GGA2: variants seen among roughly 807,000 people sequenced by gnomAD.
GGA2 encodes the protein golgi associated, gamma adaptin ear containing, ARF binding protein 2, also known as ADP-ribosylation factor-binding protein GGA2.
GGA2 carries 48 observed loss-of-function variants against 79.5 expected under a neutral mutation model. The ratio of observed to expected loss-of-function variants is 0.60; its 90% confidence interval spans 0.48 to 0.77. The LOEUF (loss-of-function observed/expected upper bound fraction) is 0.77, where lower values mean the gene tolerates loss of function less well. GGA2 is among the 30% of genes least tolerant of loss of function. The pLI is 0.00. For missense variants in GGA2, 770 were observed against 774.0 expected (o/e 0.99, Z 0.06); for synonymous variants, 317 against 302.0 (o/e 1.05, Z -0.51).
intron 5 of GGA2, among the ~76,000 whole-genome samples, chr16:23,490,507 G>A (rs1347088232): frequency 1.3e-5 from 2 of 152,182 alleles, no homozygotes; most frequent in African/African-American, 2.4e-5. Flanking sequence ...GGCTGAGGCA[G>A]GCGGATCATT....
At chr16:23,481,277 G>C (rs542409375) in intron 9 of GGA2, among the ~76,000 whole-genome samples, 1 of 152,312 alleles carries the variant, frequency 6.6e-6, no homozygotes, top group Admixed American at 6.5e-5. Context: ...GGAGGCTGAG[G>C]TGGGAGAATT....
intron 10 of GGA2, 137 bp from the exon 11 acceptor site, chr16:23,480,024 C>A (rs112893762): frequency 0.014 from 10,248 of 750,546 alleles, 117 homozygotes; most frequent in Middle Eastern, 0.03. Context: ...ACCTTCCACT[C>A]AGCTGAGTGT....
intron 1 of GGA2, among the ~76,000 whole-genome samples, chr16:23,498,963 A>G (rs1477617198): frequency 6.6e-6 from 1 of 152,202 alleles, no homozygotes; most frequent in Non-Finnish European, 1.5e-5. Flanking sequence ...TTCTGACTTC[A>G]GCATGTGACT....
chr16:23,510,016 C>G (rs1317888030), intron 1 of GGA2, among the ~76,000 whole-genome samples: 4 of 144,212 alleles, frequency 2.8e-5, no homozygotes, highest in African/African-American at 1.0e-4. Context: ...CAGTGCCTGG[C>G]GCAGGGGAAA....
chr16:23,486,949 A>C (rs565797091), intron 6 of GGA2, among the ~76,000 whole-genome samples, 159 bp from the exon 7 acceptor site: 1 of 151,008 alleles, frequency 6.6e-6, no homozygotes. Context: ...AGGCACTCTG[A>C]CTATCCCAAT....
chr16:23,517,063 T>C (rs1427286955), intron 2 of GGA2, among the ~76,000 whole-genome samples: 2 of 152,196 alleles, frequency 1.3e-5, no homozygotes, highest in Non-Finnish European at 2.9e-5. Context: ...CTAAGTACGA[T>C]AATAAATCTT....
chr16:23,514,050 TAGAC>T (rs976253247), upstream of GGA2, among the ~76,000 whole-genome samples: 1 of 152,124 alleles, frequency 6.6e-6, no homozygotes, highest in African/African-American at 2.4e-5. Context: ...AATATAAAAG[TAGAC>T]AGCCTTCCCT....
intron 1 of GGA2, among the ~76,000 whole-genome samples, chr16:23,505,024 TGCTA>T: frequency 6.6e-6 from 1 of 152,210 alleles, no homozygotes; most frequent in Middle Eastern, 3.4e-3. Flanking sequence ...CAGCCGCCTG[TGCTA>T]GCAAGGGGAG....
chr16:23,472,184 GTTTTTTTTTTTTTTTTTTT>G (rs749688834), intron 14 of GGA2, among the ~76,000 whole-genome samples: 2 of 54,838 alleles, frequency 3.6e-5, no homozygotes, highest in African/African-American at 1.3e-4. Flanking sequence ...TGTAGCCCTG[GTTTTTTTTTTTTTTTTTTT>G]TTTTTTTTTA....
rs1964661718 is a variant in GGA2 at position 23,482,580 on chromosome 16, G to A, written c.880+343C>T. Among the ~76,000 whole-genome samples the A allele has an allele frequency of 3.9e-5, 6 of 152,192 alleles. No individual in the cohort carries two copies. In the South Asian group the frequency reaches 1.0e-3, roughly 26 times the overall value. ...CTGGCCCCTGAAGGTACAAAAGCCC[G>A]TGATCCCCTTGAGACACCACCCACA... On this transcript the variant is annotated intron_variant, in intron 9 of 16. Coordinates refer to ENST00000309859, the MANE Select transcript of GGA2 (RefSeq NM_015044.4).
Position 23,474,999 on chromosome 16 carries a change from C to T in GGA2, c.1355G>A (p.Gly452Asp). The T allele has an allele frequency of 6.2e-7, 1 of 1,609,890 alleles. No individual in the cohort carries two copies. Residue 452 changes from glycine to aspartate, a missense_variant, in exon 14 of 17, where the codon GGT (glycine) becomes GAT (aspartate). Physicochemically the swap from Gly to Asp is moderately conservative, Grantham distance 94. Coordinates refer to ENST00000309859, the MANE Select transcript of GGA2 (RefSeq NM_015044.4). ...EVPPGTKSSP[G>D]WSWEAGPLAP... ...CAACGGGCCAGCCTCCCAGGACCAA[C>T]CTGGAGAGGACTTAGTACCTGGTGG...
chr16:23,494,232 A>G, intron 3 of GGA2, 71 bp downstream of exon 3: 1 of 989,662 alleles, frequency 1.0e-6, no homozygotes, highest in Non-Finnish European at 1.6e-6. Context: ...TCTGTGTGGA[A>G]GCAAAGCGCC....
intron 9 of GGA2, among the ~76,000 whole-genome samples, chr16:23,481,738 C>T (rs1964651215): frequency 6.6e-6 from 1 of 152,056 alleles, no homozygotes; most frequent in Non-Finnish European, 1.5e-5. Flanking sequence ...GCTGAGCACG[C>T]CACTGGACTC....
chr16:23,498,570 T>C (rs2088400147), intron 1 of GGA2, among the ~76,000 whole-genome samples: 2 of 152,146 alleles, frequency 1.3e-5, no homozygotes, highest in African/African-American at 2.4e-5. Flanking sequence ...TCTACAAATA[T>C]GTTTACAAAA....
At chr16:23,501,906 C>T (rs1373893091) in intron 1 of GGA2, among the ~76,000 whole-genome samples, 1 of 152,134 alleles carries the variant, frequency 6.6e-6, no homozygotes, top group Admixed American at 6.5e-5. Flanking sequence ...ATTCCTAGGG[C>T]ACCACCTTCT....
intron 1 of GGA2, among the ~76,000 whole-genome samples, chr16:23,509,621 A>G (rs1048284736): frequency 7.2e-5 from 11 of 152,026 alleles, no homozygotes; most frequent in African/African-American, 2.7e-4. Flanking sequence ...AACGGAGATA[A>G]TAATAACCCC....
intron 1 of GGA2, among the ~76,000 whole-genome samples, chr16:23,497,980 TA>T (rs922757688): frequency 2.6e-5 from 4 of 151,922 alleles, no homozygotes; most frequent in Non-Finnish European, 5.9e-5. Flanking sequence ...CAGAAATTTT[TA>T]AAAAAAATTA....
chr16:23,496,259 C>A (rs977396088), intron 1 of GGA2, among the ~76,000 whole-genome samples: 1 of 144,512 alleles, frequency 6.9e-6, no homozygotes, highest in Non-Finnish European at 1.5e-5. Context: ...GCCAAGATTG[C>A]GCCACTGCAC....
intron 11 of GGA2, 134 bp downstream of exon 11, chr16:23,479,631 G>A (rs2142120571): frequency 9.7e-7 from 1 of 1,034,814 alleles, no homozygotes. Flanking sequence ...GCTCCCAGAG[G>A]GAACCAGCTC....
Sources: allele counts gnomAD v4.1 joint callset (sites outside exome capture counted in the v4.1 genomes callset), GRCh38; gene constraint gnomAD v4.1.1; transcripts MANE v1.5; gene names NCBI Gene and HGNC (gene_info 2026-07-23, HGNC 2026-07-21).